PPM1L: variants seen among roughly 807,000 people sequenced by gnomAD.
PPM1L encodes the protein protein phosphatase 1L.
PPM1L carries 13 observed loss-of-function variants against 31.4 expected under a neutral mutation model. The observed-to-expected ratio is 0.41, with a 90% CI of 0.27 to 0.66. The LOEUF (loss-of-function observed/expected upper bound fraction) is 0.66. PPM1L is among the 30% of genes least tolerant of loss of function. PPM1L has a pLI of 0.29. For missense variants in PPM1L, 326 were observed against 453.7 expected (o/e 0.72, Z 2.56); for synonymous variants, 184 against 175.4 (o/e 1.05, Z -0.39).
intron 2 of PPM1L, among the ~76,000 whole-genome samples, chr3:161,016,804 T>A (rs1718100462): frequency 6.6e-6 from 1 of 152,188 alleles, no homozygotes; most frequent in Non-Finnish European, 1.5e-5. Flanking sequence ...GTGCTCTGAT[T>A]ATAACAATAT....
intron 2 of PPM1L, among the ~76,000 whole-genome samples, chr3:160,972,779 A>T (rs1716396179): frequency 6.6e-6 from 1 of 151,982 alleles, no homozygotes; most frequent in Non-Finnish European, 1.5e-5. Context: ...CGCCACACTG[A>T]CTTCCACAAT....
chr3:160,984,854 G>A (rs977096014), intron 2 of PPM1L, among the ~76,000 whole-genome samples: 1 of 152,098 alleles, frequency 6.6e-6, no homozygotes, highest in Non-Finnish European at 1.5e-5. Context: ...CACCCCCATG[G>A]GACATTTGGC....
At chr3:160,865,661 G>A (rs1490818498) in intron 1 of PPM1L, among the ~76,000 whole-genome samples, 2 of 152,186 alleles carry the variant, frequency 1.3e-5, no homozygotes, top group African/African-American at 4.8e-5. Context: ...TGTAGTCCCA[G>A]CTACTTGGGA....
At chr3:160,948,098 A>G (rs1715466671) in intron 1 of PPM1L, among the ~76,000 whole-genome samples, 1 of 152,152 alleles carries the variant, frequency 6.6e-6, no homozygotes, top group Admixed American at 6.6e-5. Flanking sequence ...TCCAATAAAT[A>G]TTAATTAAAA....
intron 1 of PPM1L, among the ~76,000 whole-genome samples, chr3:160,828,137 G>A (rs1285609418): frequency 1.3e-5 from 2 of 152,078 alleles, no homozygotes; most frequent in East Asian, 3.9e-4. Flanking sequence ...GATTTGAGGG[G>A]TGGGGAGTGG....
At chr3:160,803,290 A>G (rs1402171290) in intron 1 of PPM1L, among the ~76,000 whole-genome samples, 4 of 152,242 alleles carry the variant, frequency 2.6e-5, no homozygotes, top group Admixed American at 6.5e-5. Context: ...TCCTTATTCC[A>G]GCATCTGATG....
At chr3:160,979,716 C>T (rs753243875) in intron 2 of PPM1L, among the ~76,000 whole-genome samples, 1 of 152,156 alleles carries the variant, frequency 6.6e-6, no homozygotes, top group South Asian at 2.1e-4. Context: ...GAATTTTTAA[C>T]TTTGTCCATG....
intron 1 of PPM1L, among the ~76,000 whole-genome samples, chr3:160,869,932 C>T (rs996557942): frequency 2.6e-5 from 4 of 152,146 alleles, no homozygotes; most frequent in Non-Finnish European, 5.9e-5. Flanking sequence ...TTGGCTTGTC[C>T]GTTGTTGCTA....
chr3:160,771,087 GA>G (rs1383777528), intron 1 of PPM1L, among the ~76,000 whole-genome samples: 1 of 151,948 alleles, frequency 6.6e-6, no homozygotes, highest in African/African-American at 2.4e-5. Context: ...TTATTCCAAA[GA>G]ATAAAGTATA....
At position 160,834,779 on chromosome 3, in the gene PPM1L, C is replaced by T. The variant is rs142807941; in HGVS notation, c.399+78072C>T. Among the ~76,000 whole-genome samples, 63 of 152,188 alleles carry T rather than the reference C, an allele frequency of 4.1e-4. 1 individual carries two copies. The East Asian group carries it at 0.011, about 28-fold the overall frequency. ...TCAATAGCTTGTTCCTTTTCATTTC[C>T]GTGTAGTATTCCATTGTATGAATGT... is the stretch of plus-strand genomic sequence containing the variant. On this transcript the variant is annotated intron_variant, in intron 1 of 3. Coordinates refer to ENST00000498165, the MANE Select transcript of PPM1L (RefSeq NM_139245.4).
intron 1 of PPM1L, among the ~76,000 whole-genome samples, chr3:160,960,544 G>A (rs1025446144): frequency 5.5e-5 from 8 of 144,920 alleles, no homozygotes; most frequent in Non-Finnish European, 1.5e-5. Flanking sequence ...TTGTTTGTTC[G>A]TTTTTTAGCA....
At chr3:160,891,044 C>T (rs1440906889) in intron 1 of PPM1L, among the ~76,000 whole-genome samples, 6 of 152,096 alleles carry the variant, frequency 3.9e-5, no homozygotes, top group Non-Finnish European at 4.4e-5. Flanking sequence ...GTAGGCAGTA[C>T]CATTGAGGAC....
At chr3:160,895,080 C>T (rs1336356888) in intron 1 of PPM1L, among the ~76,000 whole-genome samples, 1 of 152,142 alleles carries the variant, frequency 6.6e-6, no homozygotes, top group Non-Finnish European at 1.5e-5. Context: ...TAGATGTAAC[C>T]AGGGACATTA....
intron 1 of PPM1L, among the ~76,000 whole-genome samples, chr3:160,926,381 G>T (rs1304090125): frequency 1.3e-5 from 2 of 152,174 alleles, no homozygotes; most frequent in Non-Finnish European, 2.9e-5. Flanking sequence ...TGAGAAGACT[G>T]CTGTGTTGAT....
chr3:161,061,002 A>G (rs1719555902), intron 2 of PPM1L, among the ~76,000 whole-genome samples: 1 of 151,984 alleles, frequency 6.6e-6, no homozygotes. Flanking sequence ...TGATTTTTTC[A>G]TTTTCTCTTG....
At chr3:160,802,721 G>T (rs2108078944) in intron 1 of PPM1L, among the ~76,000 whole-genome samples, 1 of 152,232 alleles carries the variant, frequency 6.6e-6, no homozygotes. Flanking sequence ...AAAGAGCATG[G>T]GCTTTGAAAA....
Position 160,840,788 on chromosome 3 carries a change from G to GGAGAGAGAGAGAGAGAGAA in PPM1L, c.399+84095_399+84096insGAGAAGAGAGAGAGAGAGA, listed in dbSNP as rs1039794900. On this transcript the variant is annotated intron_variant, in intron 1 of 3. Transcript: ENST00000498165. Reference sequence around the variant, plus strand: ...AGAGAGAGAGAAAGAGAGAGAGAGAGGAGAGAGAGAGAGAAAGAGAGAGAA... The same window carrying GGAGAGAGAGAGAGAGAGAA: ...AGAGAGAGAGAAAGAGAGAGAGAGAGGAGAGAGAGAGAGAGAGAAGAGAGAGAGAGAGAAAGAGAGAGAA... 2.7e-5 allele frequency among the ~76,000 whole-genome samples: 4 copies of GGAGAGAGAGAGAGAGAGAA among 150,144 alleles called. No individual in the cohort carries two copies. The South Asian group carries it at 8.5e-4, about 32-fold the overall frequency.
chr3:160,766,834 A>C (rs1432193406), intron 1 of PPM1L, among the ~76,000 whole-genome samples: 2 of 151,540 alleles, frequency 1.3e-5, no homozygotes, highest in Non-Finnish European at 2.9e-5. Flanking sequence ...TTCTGGAATT[A>C]AGGAGGGCCT....
chr3:160,838,459 T>G (rs1713780439), intron 1 of PPM1L, among the ~76,000 whole-genome samples: 1 of 152,164 alleles, frequency 6.6e-6, no homozygotes, highest in Non-Finnish European at 1.5e-5. Context: ...TGTATTGAAT[T>G]TCAGCCTGTT....
Sources: allele counts gnomAD v4.1 joint callset (sites outside exome capture counted in the v4.1 genomes callset), GRCh38; gene constraint gnomAD v4.1.1; transcripts MANE v1.5; gene names NCBI Gene and HGNC (gene_info 2026-07-23, HGNC 2026-07-21).